Variants in KCTD3 observed in about 807,000 individuals in gnomAD.
KCTD3 encodes BTB/POZ domain-containing protein KCTD3.
A neutral mutation model predicts 85.8 loss-of-function variants in KCTD3; 41 were observed. That is an observed-to-expected ratio of 0.48 (90% CI 0.37 to 0.62). The LOEUF is 0.62. Among genes scored for constraint, KCTD3 ranks in the 20% least tolerant of loss-of-function variants. KCTD3 has a pLI of 0.00. For missense variants in KCTD3, 724 were observed against 989.9 expected (o/e 0.73, Z 3.60); for synonymous variants, 338 against 345.4 (o/e 0.98, Z 0.24).
At chr1:215,572,158 G>A (rs1038180486) in intron 1 of KCTD3, among the ~76,000 whole-genome samples, 3 of 152,112 alleles carry the variant, frequency 2.0e-5, no homozygotes, top group East Asian at 1.9e-4. Flanking sequence ...CCTGCAGATC[G>A]TACAGAAGAA....
chr1:215,620,499 C>G lies in KCTD3; in HGVS notation c.2329C>G (p.Pro777Ala), dbSNP rs202044566. Residue 777 changes from proline to alanine, a missense_variant, in exon 18 of 18, where the codon CCA becomes GCA. Pro to Ala is a conservative substitution (Grantham distance 27). This residue lies in a region of KCTD3 where 222 missense variants were observed against 217.7 expected (regional missense o/e 1.02). Coordinates refer to ENST00000259154, the MANE Select transcript of KCTD3 (RefSeq NM_016121.5). Reference sequence around the variant, plus strand: ...GAAAGTTCCCTATCTGGCGTCATCACCAAGTACTTCCGATGGAGGAACTGA... The same window carrying G: ...GAAAGTTCCCTATCTGGCGTCATCAGCAAGTACTTCCGATGGAGGAACTGA... ...RKKVPYLASSPSTSDGGTDSP... is the reference protein window; with the variant it reads ...RKKVPYLASSASTSDGGTDSP... 2 of 1,613,574 alleles carry G rather than the reference C, an allele frequency of 1.2e-6. No homozygotes were observed. The highest frequency in any genetic ancestry group is 2.2e-5 in the South Asian group (2 of 91,052).
chr1:215,585,815 T>C (rs1228650925), intron 8 of KCTD3, among the ~76,000 whole-genome samples: 1 of 152,174 alleles, frequency 6.6e-6, no homozygotes, highest in East Asian at 1.9e-4. Flanking sequence ...AAGAATACAT[T>C]AGCTTTTACA....
intron 13 of KCTD3, among the ~76,000 whole-genome samples, chr1:215,605,279 C>A (rs577126412): frequency 1.3e-5 from 2 of 152,232 alleles, no homozygotes; most frequent in South Asian, 4.1e-4. Flanking sequence ...CCATGTGGAG[C>A]TGAAATTCAG....
intron 14 of KCTD3, among the ~76,000 whole-genome samples, chr1:215,608,480 C>T (rs1655115228): frequency 6.6e-6 from 1 of 151,762 alleles, no homozygotes; most frequent in African/African-American, 2.4e-5. Context: ...TAACTGTGTA[C>T]ATTTGACATT....
At chr1:215,577,390 A>G (rs1319429192) in intron 4 of KCTD3, among the ~76,000 whole-genome samples, 1 of 152,142 alleles carries the variant, frequency 6.6e-6, no homozygotes, top group African/African-American at 2.4e-5. Context: ...TATTTGTACT[A>G]GCCTGATAGA....
At chr1:215,579,852 G>A in intron 7 of KCTD3, 57 bp from the exon 8 acceptor site, 1 of 1,262,904 alleles carries the variant, frequency 7.9e-7, no homozygotes, top group Non-Finnish European at 1.2e-6. Flanking sequence ...CCTGGTGGCT[G>A]TAATTTGCCA....
At chr1:215,568,304 T>C (rs1390450854) in intron 1 of KCTD3, among the ~76,000 whole-genome samples, 1 of 152,164 alleles carries the variant, frequency 6.6e-6, no homozygotes, top group Non-Finnish European at 1.5e-5. Flanking sequence ...TACCTAGTTA[T>C]TTATTTTCAG....
rs889555755 is a variant in KCTD3, at chr1:215,573,488, G to A, written c.84-298G>A. 6.6e-5 allele frequency among the ~76,000 whole-genome samples: 10 copies of A among 152,132 alleles called. No homozygotes were observed. In the East Asian group the frequency reaches 1.3e-3, roughly 21 times the overall value. On this transcript the variant is annotated intron_variant, in intron 1 of 17. Transcript: ENST00000259154. Reference sequence around the variant, plus strand: ...TGTTATACTGAGAAGTTGAGACTTGGTGTGATGGGCTAATTGTTGATTCTT... The same window carrying A: ...TGTTATACTGAGAAGTTGAGACTTGATGTGATGGGCTAATTGTTGATTCTT...
At chr1:215,606,986 C>A (rs992099347) in intron 13 of KCTD3, among the ~76,000 whole-genome samples, 2 of 151,848 alleles carry the variant, frequency 1.3e-5, no homozygotes, top group African/African-American at 2.4e-5. Flanking sequence ...TAGCCTAGAA[C>A]AAAATGTCCC....
Position 215,586,564 on chromosome 1 carries a change from AGC to A in KCTD3, c.697_698del (p.Ala233PhefsTer24). 1 of 1,614,158 alleles carries A rather than the reference AGC, an allele frequency of 6.2e-7. No homozygotes were observed. Among genetic ancestry groups the A allele is most frequent in the South Asian group, 1.1e-5 (1 of 91,074 alleles). On this transcript the variant is annotated frameshift_variant, in exon 9 of 18. Coordinates refer to ENST00000259154, the MANE Select transcript of KCTD3 (RefSeq NM_016121.5). LOFTEE classifies it high-confidence loss of function. Reference protein sequence around the residue: ...PYLDWTIERVALNAKVVGGPH... With the variant: ...PYLDWTIERVXLNAKVVGGPH... ...ATTTGGATTGGACTATCGAACGAGT[AGC>A]TTTAAATGCAAAGGTGGTTGGAGGG...
chr1:215,585,837 A>C (rs973834837), intron 8 of KCTD3, among the ~76,000 whole-genome samples: 1 of 152,226 alleles, frequency 6.6e-6, no homozygotes, highest in African/African-American at 2.4e-5. Flanking sequence ...ATGGGTAGTC[A>C]TATGGAACTG....
chr1:215,610,057 A>G (rs1273863217), intron 14 of KCTD3, among the ~76,000 whole-genome samples: 1 of 151,970 alleles, frequency 6.6e-6, no homozygotes, highest in Non-Finnish European at 1.5e-5. Flanking sequence ...GATAAAGGGG[A>G]CAGGGAGGCT....
chr1:215,609,827 A>T (rs1348156697), intron 14 of KCTD3, among the ~76,000 whole-genome samples: 1 of 151,938 alleles, frequency 6.6e-6, no homozygotes, highest in Non-Finnish European at 1.5e-5. Context: ...ATGCATATGG[A>T]TACTATTCTG....
chr1:215,602,272 G>A (rs557559511), intron 12 of KCTD3, 71 bp downstream of exon 12: 1 of 743,088 alleles, frequency 1.3e-6, no homozygotes, highest in African/African-American at 1.8e-5. Context: ...TATGTGACTA[G>A]GTCAAATTAA....
intron 6 of KCTD3, among the ~76,000 whole-genome samples, chr1:215,578,430 G>T (rs1223438237): frequency 6.6e-6 from 1 of 152,104 alleles, no homozygotes; most frequent in Non-Finnish European, 1.5e-5. Context: ...ATGGCCCATA[G>T]TTTGCTGACC....
intron 9 of KCTD3, 75 bp downstream of exon 9, chr1:215,586,760 A>G (rs1660025554): frequency 1.6e-6 from 2 of 1,218,238 alleles, no homozygotes; most frequent in African/African-American, 3.0e-5. Flanking sequence ...TTGACACTGA[A>G]TATGAAAATT....
At position 215,578,963 on chromosome 1, in the gene KCTD3, A is replaced by G. The variant is rs763152182; in HGVS notation, c.398-37A>G. On this transcript the variant is annotated intron_variant, in intron 6 of 17. Coordinates refer to ENST00000259154, the MANE Select transcript of KCTD3 (RefSeq NM_016121.5). The stretch of plus-strand genomic sequence containing the variant: ...GATATTTTTAATTTTTGAAAGGTGA[A>G]CTTAGGAATGTATTTGTTTTCTTCT... The G allele has an allele frequency of 4.9e-6, 7 of 1,437,212 alleles. 1 individual carries two copies. The highest frequency in any genetic ancestry group is 6.5e-6 in the Non-Finnish European group (7 of 1,070,238). The allele number at this position is 1,437,212 out of a possible 1,614,324, so 89.0% of individuals were successfully genotyped here.
chr1:215,577,674 G>GT lies in KCTD3; in HGVS notation c.263dup (p.Ser89GlufsTer3). 6.3e-7 allele frequency: 1 copy of GT among 1,584,580 alleles called. No homozygotes were observed. Among genetic ancestry groups the GT allele is most frequent in the Non-Finnish European group, 8.7e-7 (1 of 1,153,340 alleles). The stretch of plus-strand genomic sequence containing the variant: ...ACATCATTTGTTTCTTTGTAGGGGA[G>GT]TGAGTATTAATGTTCTCAGGCATGA... On this transcript the variant is annotated frameshift_variant, in exon 5 of 18. Transcript: ENST00000259154. LOFTEE classifies it high-confidence loss of function.
chr1:215,612,495 A>G (rs143510475), intron 15 of KCTD3, among the ~76,000 whole-genome samples: 3 of 152,072 alleles, frequency 2.0e-5, no homozygotes, highest in Non-Finnish European at 4.4e-5. Context: ...GTCTTTATGC[A>G]GTCTCCTCAG....
Sources: gnomAD v4.1 joint callset for allele counts (sites outside exome capture counted in the v4.1 genomes callset) on GRCh38, gnomAD v4.1.1 for gene constraint, gnomAD v4.1.1 regional missense constraint, MANE v1.5 for transcripts, NCBI Gene and HGNC (gene_info 2026-07-23, HGNC 2026-07-21) for gene names.